Variants in PRKDC observed in about 807,000 individuals in gnomAD.
PRKDC encodes protein kinase, DNA-activated, catalytic subunit, also known as DNA-dependent protein kinase catalytic subunit.
A neutral mutation model predicts 486.9 loss-of-function variants in PRKDC; 82 were observed. The observed-to-expected ratio is 0.17, with a 90% CI of 0.14 to 0.20. The LOEUF (loss-of-function observed/expected upper bound fraction) is 0.20, where lower values mean the gene tolerates loss of function less well. Among genes scored for constraint, PRKDC ranks in the 10% least tolerant of loss-of-function variants. The probability of loss-of-function intolerance (pLI) is 1.00; values close to 1 mark genes in which losing one functional copy is unlikely to be tolerated. For missense variants in PRKDC, 4,504 were observed against 5,038.2 expected (o/e 0.89, Z 3.21); for synonymous variants, 1,895 against 1,837.0 (o/e 1.03, Z -0.81).
In PRKDC at chr8:47,849,288, C is replaced by T; in HGVS notation, c.7146G>A (p.Val2382=). 1 of 1,613,948 alleles carries T rather than the reference C, an allele frequency of 6.2e-7. No homozygotes were observed. Among genetic ancestry groups the T allele is most frequent in the Non-Finnish European group, 8.5e-7 (1 of 1,179,878 alleles). Residue 2382 remains valine (V), a synonymous_variant, in exon 54 of 86, where the codon GTG becomes GTA. Coordinates refer to ENST00000314191, the MANE Select transcript of PRKDC (RefSeq NM_006904.7). ...CATGAAATTTTGGCAGCAGAAAGAA[C>T]ACAGCATTCATGAACCTGGCGGGGA... The part of the protein sequence containing the change: ...PPLADRFMNA[V]FFLLPKFHGV...
At chr8:47,789,848 C>T (rs1308501982) in intron 74 of PRKDC, among the ~76,000 whole-genome samples, 2 of 152,064 alleles carry the variant, frequency 1.3e-5, no homozygotes, top group Non-Finnish European at 2.9e-5. Context: ...GTTGAAAAAG[C>T]ATTTGATAAA....
At chr8:47,776,652 C>T (rs1004117156) in intron 85 of PRKDC, among the ~76,000 whole-genome samples, 192 bp downstream of exon 85, 4 of 152,310 alleles carry the variant, frequency 2.6e-5, no homozygotes, top group Non-Finnish European at 5.9e-5. Flanking sequence ...GGGTCACATA[C>T]GTCAGAGTTG....
Position 47,889,157 on chromosome 8 carries a change from G to A in PRKDC, c.4137C>T (p.Pro1379=), listed in dbSNP as rs189680139. The change falls in exon 33 of 86, where the codon CCC becomes CCT. Residue 1379 remains proline (P), a synonymous_variant. Transcript: ENST00000314191. ...CTCCGATGTTGAAACCTATGCTTGCGGGCTCACACAGCGTCTGCACCAGGA... is the reference window on the plus strand; with the variant it reads ...CTCCGATGTTGAAACCTATGCTTGCAGGCTCACACAGCGTCTGCACCAGGA... The part of the protein sequence containing the change: ...MRVLVQTLCE[P]ASIGFNIGDV... 1.7e-4 allele frequency: 278 copies of A among 1,613,900 alleles called. 3 individuals carry two copies. In the Admixed American group the frequency reaches 4.3e-3, roughly 25 times the overall value.
intron 17 of PRKDC, 135 bp from the exon 18 acceptor site, chr8:47,930,147 A>G (rs2090226258): frequency 1.4e-6 from 1 of 715,240 alleles, no homozygotes; most frequent in Non-Finnish European, 2.2e-6. Flanking sequence ...GTTTAGTTAT[A>G]TCTATAATCC....
At chr8:47,801,782 G>C (rs1380970305) in intron 70 of PRKDC, among the ~76,000 whole-genome samples, 1 of 152,168 alleles carries the variant, frequency 6.6e-6, no homozygotes, top group Non-Finnish European at 1.5e-5. Context: ...GGCTAAGTCT[G>C]CAGTGTCCAG....
At chr8:47,893,525 C>T (rs1484695308) in intron 30 of PRKDC, 138 bp from the exon 31 acceptor site, 3 of 907,190 alleles carry the variant, frequency 3.3e-6, no homozygotes, top group Non-Finnish European at 1.5e-6. Context: ...ACTGTAATTA[C>T]TTCCAAGAAG....
chr8:47,923,669 T>C (rs1213455190), intron 21 of PRKDC, among the ~76,000 whole-genome samples: 2 of 152,236 alleles, frequency 1.3e-5, no homozygotes, highest in African/African-American at 4.8e-5. Flanking sequence ...CTTCAAAAAG[T>C]GCCATGCTGG....
At chr8:47,889,952 A>G (rs2089423414) in intron 32 of PRKDC, among the ~76,000 whole-genome samples, 1 of 152,154 alleles carries the variant, frequency 6.6e-6, no homozygotes, top group Non-Finnish European at 1.5e-5. Flanking sequence ...CACAAGGCAG[A>G]GCATATCAAA....
At chr8:47,830,859 C>G in intron 60 of PRKDC, 123 bp from the exon 61 acceptor site, 2 of 1,197,608 alleles carry the variant, frequency 1.7e-6, no homozygotes, top group East Asian at 2.4e-5. Context: ...AACTGATGCT[C>G]GCAGAGGCTC....
Position 47,949,120 on chromosome 8 carries a change from C to T in PRKDC, c.721+4500G>A, listed in dbSNP as rs999188897. ...GGCACCCCCATGCCTTGGCTCCTGC[C>T]GCCTTCCAGATCCCCTTCCTCTGAC... On this transcript the variant is annotated intron_variant, in intron 7 of 85. Transcript: ENST00000314191. 3.3e-5 allele frequency among the ~76,000 whole-genome samples: 5 copies of T among 152,220 alleles called. No homozygotes were observed. The South Asian group carries it at 8.3e-4, about 25-fold the overall frequency.
In PRKDC at chr8:47,939,533, T is replaced by C. The variant is rs764838496; in HGVS notation, c.1113+18A>G. 1.5e-5 allele frequency: 24 copies of C among 1,601,012 alleles called. No individual in the cohort carries two copies. In the Middle Eastern group the frequency reaches 6.6e-4, roughly 44 times the overall value. On this transcript the variant is annotated intron_variant, in intron 11 of 85. Transcript: ENST00000314191. ...CACGTGAAACCAAGACAAAATAGAG[T>C]AAGTTAATGAGACATACTCCTGCAA... is the stretch of plus-strand genomic sequence containing the variant.
chr8:47,783,445 C>A (rs1220318208), intron 78 of PRKDC, among the ~76,000 whole-genome samples: 1 of 151,956 alleles, frequency 6.6e-6, no homozygotes, highest in African/African-American at 2.4e-5. Flanking sequence ...AAAAACAGAG[C>A]TGGGCGTGAT....
intron 7 of PRKDC, among the ~76,000 whole-genome samples, chr8:47,947,067 T>C (rs2090545293): frequency 6.6e-6 from 1 of 152,250 alleles, no homozygotes; most frequent in South Asian, 2.1e-4. Context: ...CTGGCCCACT[T>C]TGTGTACCTC....
In PRKDC at chr8:47,929,914, C is replaced by T. The variant is rs1217132210; in HGVS notation, c.1991G>A (p.Ser664Asn). The change falls in exon 18 of 86, where the codon AGT (serine) becomes AAT (asparagine). Residue 664 changes from serine (S) to asparagine (N), a missense_variant. Physicochemically the swap from Ser to Asn is conservative, Grantham distance 46. Transcript: ENST00000314191. ...AATAGAAAGCAATTTGTAGAAACCA[C>T]TGATGAGGGGCAACCTTGTAGATTG... ...ILQSTRLPLI[S>N]GFYKLLSITV... is the part of the protein sequence containing the mutation. 2 of 1,608,126 alleles carry T rather than the reference C, an allele frequency of 1.2e-6. No homozygotes were observed. The highest frequency in any genetic ancestry group is 1.7e-6 in the Non-Finnish European group (2 of 1,178,390).
At position 47,935,042 on chromosome 8, in the gene PRKDC, G is replaced by T; in HGVS notation, c.1464C>A (p.Ile488=). 6.6e-7 allele frequency: 1 copy of T among 1,518,596 alleles called. No individual in the cohort carries two copies. Among genetic ancestry groups the T allele is most frequent in the Non-Finnish European group, 8.9e-7 (1 of 1,125,590 alleles). 94.1% of individuals were successfully genotyped at this position (1,518,596 alleles called of 1,614,324 possible). A position where few individuals can be genotyped will look rare whatever the true frequency, so the allele number is the denominator to read the frequency against. The change falls in exon 14 of 86, where the codon ATC becomes ATA. Residue 488 remains isoleucine (I), a synonymous_variant. Coordinates refer to ENST00000314191, the MANE Select transcript of PRKDC (RefSeq NM_006904.7). ...GGACCACTGGTTTAGAACATATTCT[G>T]ATTAAACCCTGATGCACTGAAAAAA... ...CISTVVHQGL[I]RICSKPVVLP... is the part of the protein sequence containing the mutation.
chr8:47,899,608 A>T (rs1478022765), intron 28 of PRKDC, among the ~76,000 whole-genome samples: 1 of 152,146 alleles, frequency 6.6e-6, no homozygotes, highest in Non-Finnish European at 1.5e-5. Flanking sequence ...GCACCACTGC[A>T]CTCCAGCCTG....
In PRKDC at chr8:47,837,220, C is replaced by T. The variant is rs758044403; in HGVS notation, c.7753G>A (p.Glu2585Lys). The T allele has an allele frequency of 3.1e-6, 5 of 1,612,534 alleles. No homozygotes were observed. The highest frequency in any genetic ancestry group is 4.2e-6 in the Non-Finnish European group (5 of 1,178,820). ...PMFEHPLSEC[E>K]FQEYTIDSDW... ...AGAGAAGACCACATTACCTGAAATTCGCATTCTGACAGAGGATGCTCGAAC... is the reference window on the plus strand; with the variant it reads ...AGAGAAGACCACATTACCTGAAATTTGCATTCTGACAGAGGATGCTCGAAC... Residue 2585 changes from glutamate to lysine, a missense_variant, in exon 57 of 86, where the codon GAA (glutamate) becomes AAA (lysine). Glu to Lys is a moderately conservative substitution (Grantham distance 56, BLOSUM62 1). Transcript: ENST00000314191.
chr8:47,804,832 G>A (rs182794541), intron 69 of PRKDC, among the ~76,000 whole-genome samples: 1 of 152,216 alleles, frequency 6.6e-6, no homozygotes, highest in Non-Finnish European at 1.5e-5. Flanking sequence ...CACAATCTTG[G>A]CTCTCTGCAA....
At chr8:47,888,274 T>C (rs1408361039) in intron 34 of PRKDC, among the ~76,000 whole-genome samples, 1 of 152,198 alleles carries the variant, frequency 6.6e-6, no homozygotes, top group Non-Finnish European at 1.5e-5. Context: ...GCTCTGTAAA[T>C]ACCTAAATGT....
Sources: gnomAD v4.1 joint callset for allele counts (sites outside exome capture counted in the v4.1 genomes callset) on GRCh38, gnomAD v4.1.1 for gene constraint, MANE v1.5 for transcripts, NCBI Gene and HGNC (gene_info 2026-07-23, HGNC 2026-07-21) for gene names.